Variants in DYSF observed in about 807,000 individuals in gnomAD.
DYSF encodes dystrophy-associated fer-1-like 1.
A neutral mutation model predicts 274.9 loss-of-function variants in DYSF; 212 were observed. The observed-to-expected ratio is 0.77, with a 90% CI of 0.69 to 0.86. DYSF has a LOEUF of 0.86. DYSF is among the 40% of genes least tolerant of loss of function. DYSF has a pLI of 0.00. For missense variants in DYSF, 2,666 were observed against 2,783.2 expected, an observed-to-expected ratio of 0.96 and a Z score of 0.95; for synonymous variants, 1,091 against 1,078.7, an observed-to-expected ratio of 1.01 and a Z score of -0.22.
intron 42 of DYSF, among the ~76,000 whole-genome samples, 185 bp downstream of exon 42, chr2:71,644,248 A>G (rs914684121): frequency 6.6e-6 from 1 of 152,198 alleles, no homozygotes; most frequent in African/African-American, 2.4e-5. Context: ...AGCCCGAAGC[A>G]AGTGTGGGCT....
intron 30 of DYSF, among the ~76,000 whole-genome samples, chr2:71,576,048 G>C (rs1434802072): frequency 6.6e-6 from 1 of 152,190 alleles, no homozygotes; most frequent in Non-Finnish European, 1.5e-5. Context: ...CCTGAGTGCT[G>C]CCTTCTCAGT....
intron 43 of DYSF, among the ~76,000 whole-genome samples, chr2:71,657,161 G>A (rs2152938906): frequency 6.6e-6 from 1 of 152,266 alleles, no homozygotes; most frequent in African/African-American, 2.4e-5. Context: ...GGGAGAAATT[G>A]GCCAAAACCA....
intron 11 of DYSF, 134 bp downstream of exon 11, chr2:71,520,342 A>G (rs1457858756): frequency 1.9e-6 from 2 of 1,028,308 alleles, no homozygotes; most frequent in Non-Finnish European, 3.1e-6. Flanking sequence ...TGGGAGAGAA[A>G]GCAGGTCATT....
At chr2:71,648,188 G>A (rs902504614) in intron 42 of DYSF, among the ~76,000 whole-genome samples, 4 of 152,200 alleles carry the variant, frequency 2.6e-5, no homozygotes, top group African/African-American at 9.7e-5. Flanking sequence ...TTTTGCCAAG[G>A]AGCAGATGAG....
intron 22 of DYSF, among the ~76,000 whole-genome samples, chr2:71,559,206 G>C (rs573944802): frequency 2.6e-5 from 4 of 152,260 alleles, no homozygotes; most frequent in Non-Finnish European, 5.9e-5. Flanking sequence ...CCACGTGGAT[G>C]TCCCACCAGC....
chr2:71,640,322 G>A (rs1291020850), intron 41 of DYSF, among the ~76,000 whole-genome samples: 1 of 152,118 alleles, frequency 6.6e-6, no homozygotes, highest in Non-Finnish European at 1.5e-5. Flanking sequence ...TTTACTGAGA[G>A]GTTCATTTGA....
chr2:71,598,891 A>C, intron 33 of DYSF, 146 bp downstream of exon 33: 1 of 948,132 alleles, frequency 1.1e-6, no homozygotes, highest in South Asian at 1.5e-5. Flanking sequence ...TTTTAGAGTC[A>C]TTAAAAATGG....
At chr2:71,502,498 G>A (rs965000576) in intron 3 of DYSF, among the ~76,000 whole-genome samples, 1 of 152,084 alleles carries the variant, frequency 6.6e-6, no homozygotes, top group South Asian at 2.1e-4. Flanking sequence ...CTCTACAGAG[G>A]GGCAGACTAT....
At position 71,598,649 on chromosome 2, in the gene DYSF, G is replaced by A. The variant is rs139897804; in HGVS notation, c.3660G>A (p.Thr1220=). The change falls in exon 33 of 56, where the codon ACG becomes ACA. Residue 1220 remains threonine (T), a synonymous_variant. Coordinates refer to ENST00000410020, the MANE Select transcript of DYSF (RefSeq NM_001130987.2). The part of the protein sequence containing the change: ...KNTLNPTWDQ[T]LIFYEIEIFG... ...CCCTTAACCCCACCTGGGACCAGAC[G>A]CTCATCTTCTACGAGATCGAGATCT... 1.1e-5 allele frequency: 18 copies of A among 1,614,144 alleles called. No individual in the cohort carries two copies. Among genetic ancestry groups the A allele is most frequent in the African/African-American group, 2.7e-5 (2 of 75,058 alleles).
chr2:71,591,504 C>G (rs1414221286), intron 32 of DYSF, among the ~76,000 whole-genome samples: 1 of 152,276 alleles, frequency 6.6e-6, no homozygotes, highest in African/African-American at 2.4e-5. Context: ...TTTGCTGACA[C>G]TATTTCATGT....
chr2:71,571,972 G>C (rs62651674), intron 29 of DYSF, among the ~76,000 whole-genome samples: 34,158 of 117,780 alleles, frequency 0.29, 4,582 homozygotes, highest in Middle Eastern at 0.47. Context: ...AGATCACACC[G>C]AGCATGGATC....
rs539762004 is a variant in DYSF at position 71,598,760 on chromosome 2, C to G, written c.3756+15C>G. The G allele has an allele frequency of 6.2e-7, 1 of 1,609,314 alleles. No individual in the cohort carries two copies. Among genetic ancestry groups the G allele is most frequent in the East Asian group, 2.2e-5 (1 of 44,886 alleles). On this transcript the variant is annotated intron_variant, in intron 33 of 55. Transcript: ENST00000410020. Reference sequence around the variant, plus strand: ...ATGACACTTATGTGAGTCTGCCCAGCTCCTGCCTCGTCCCCTCACAGGGAG... The same window carrying G: ...ATGACACTTATGTGAGTCTGCCCAGGTCCTGCCTCGTCCCCTCACAGGGAG...
At chr2:71,677,283 C>G (rs2095237644) in intron 52 of DYSF, among the ~76,000 whole-genome samples, 1 of 152,136 alleles carries the variant, frequency 6.6e-6, no homozygotes, top group Admixed American at 6.5e-5. Flanking sequence ...AGTAACTATG[C>G]ATTCTACACT....
chr2:71,465,121 G>C (rs2081447854), upstream of DYSF, among the ~76,000 whole-genome samples: 1 of 152,142 alleles, frequency 6.6e-6, no homozygotes, highest in Non-Finnish European at 1.5e-5. Flanking sequence ...TTTCTTGAGA[G>C]CAATAACATC....
At chr2:71,646,430 A>C (rs2094568719) in intron 42 of DYSF, among the ~76,000 whole-genome samples, 1 of 152,216 alleles carries the variant, frequency 6.6e-6, no homozygotes, top group South Asian at 2.1e-4. Flanking sequence ...GTCCAAAGCA[A>C]AATGCATTCA....
At chr2:71,474,905 C>T (rs935827127) in intron 1 of DYSF, among the ~76,000 whole-genome samples, 3 of 152,190 alleles carry the variant, frequency 2.0e-5, no homozygotes, top group Non-Finnish European at 2.9e-5. Context: ...TTCCATGTTA[C>T]TCCTGTAGGT....
chr2:71,635,833 A>G (rs1301417346), intron 41 of DYSF, among the ~76,000 whole-genome samples: 3 of 152,140 alleles, frequency 2.0e-5, no homozygotes, highest in Non-Finnish European at 4.4e-5. Flanking sequence ...ACAATAAACA[A>G]TATTAATACC....
At chr2:71,561,694 C>G in intron 22 of DYSF, 58 bp from the exon 23 acceptor site, 1 of 1,607,602 alleles carries the variant, frequency 6.2e-7, no homozygotes, top group Non-Finnish European at 8.5e-7. Context: ...ATGTGCATGC[C>G]TGGACCTGGG....
At chr2:71,682,286 G>A (rs1177151113) in intron 54 of DYSF, among the ~76,000 whole-genome samples, 1 of 152,152 alleles carries the variant, frequency 6.6e-6, no homozygotes, top group Non-Finnish European at 1.5e-5. Flanking sequence ...CTGGGCCACT[G>A]AGGATGCTTA....
Sources: allele counts gnomAD v4.1 joint callset (sites outside exome capture counted in the v4.1 genomes callset), GRCh38; gene constraint gnomAD v4.1.1; transcripts MANE v1.5; gene names NCBI Gene and HGNC (gene_info 2026-07-23, HGNC 2026-07-21).